KCNIP4: variants seen among roughly 807,000 people sequenced by gnomAD.
KCNIP4 encodes Kv channel-interacting protein 4.
KCNIP4 carries 12 observed loss-of-function variants against 34.0 expected under a neutral mutation model. That is an observed-to-expected ratio of 0.35 (90% CI 0.23 to 0.57). The LOEUF is 0.57. Ranked by LOEUF, KCNIP4 falls within the 20% of genes least tolerant of loss-of-function variation. The pLI is 0.83. For synonymous variants in KCNIP4, 124 were observed against 102.2 expected, an observed-to-expected ratio of 1.21 and a Z score of -1.29; for missense variants, 238 against 311.7, an observed-to-expected ratio of 0.76 and a Z score of 1.78.
intron 1 of KCNIP4, among the ~76,000 whole-genome samples, chr4:21,705,515 G>T (rs927281267): frequency 1.3e-5 from 2 of 152,002 alleles, no homozygotes; most frequent in African/African-American, 4.8e-5. Flanking sequence ...ACTGTTTTAG[G>T]TGCTGAATAT....
intron 1 of KCNIP4, among the ~76,000 whole-genome samples, chr4:20,986,918 T>C (rs766105739): frequency 9.3e-5 from 13 of 139,532 alleles, no homozygotes; most frequent in Non-Finnish European, 1.8e-4. Flanking sequence ...TTAGTTACAT[T>C]TACCACATGC....
In KCNIP4 at chr4:20,975,179, C is replaced by T. The variant is rs561427941; in HGVS notation, c.62-92470G>A. Among the ~76,000 whole-genome samples the T allele has an allele frequency of 1.1e-3, 165 of 152,262 alleles. 1 individual carries two copies. The highest frequency in any genetic ancestry group is 3.9e-3 in the African/African-American group (163 of 41,562). On this transcript the variant is annotated intron_variant, in intron 1 of 8. Transcript: ENST00000382152. ...TCAAAGACCATGATCTTATCCACTACTTATAGATCTTTTATTTTTAAGAGA... is the reference window on the plus strand; with the variant it reads ...TCAAAGACCATGATCTTATCCACTATTTATAGATCTTTTATTTTTAAGAGA...
intron 1 of KCNIP4, among the ~76,000 whole-genome samples, chr4:21,527,966 A>G (rs1317296202): frequency 6.6e-6 from 1 of 152,148 alleles, no homozygotes; most frequent in Non-Finnish European, 1.5e-5. Context: ...AAGCTGGAAC[A>G]TTGCCTAAAT....
rs181041799 is a variant in KCNIP4 at position 21,072,319 on chromosome 4, G to T, written c.62-189610C>A. Among the ~76,000 whole-genome samples the T allele has an allele frequency of 5.0e-3, 754 of 152,180 alleles. 6 individuals carry two copies. The highest frequency in any genetic ancestry group is 0.017 in the African/African-American group (718 of 41,542). On this transcript the variant is annotated intron_variant, in intron 1 of 8. Transcript: ENST00000382152. ...TCCAGCATCTGTTGTTTCCTGACAT[G>T]TTAATGATTGCCATTCTAACTGGTG...
At chr4:21,147,811 T>C (rs1323121265) in intron 1 of KCNIP4, among the ~76,000 whole-genome samples, 2 of 151,502 alleles carry the variant, frequency 1.3e-5, no homozygotes, top group South Asian at 4.2e-4. Flanking sequence ...TGGTGGCAGA[T>C]GCCTGTAATC....
At chr4:21,041,656 C>T (rs1741971149) in intron 1 of KCNIP4, among the ~76,000 whole-genome samples, 2 of 152,150 alleles carry the variant, frequency 1.3e-5, no homozygotes, top group South Asian at 4.1e-4. Flanking sequence ...GAAACTCATC[C>T]TAATGACATG....
intron 2 of KCNIP4, among the ~76,000 whole-genome samples, chr4:20,867,781 C>T (rs1485683386): frequency 1.3e-5 from 2 of 151,882 alleles, no homozygotes; most frequent in Non-Finnish European, 2.9e-5. Context: ...ATCGCAAGGA[C>T]AAAAAACCAA....
intron 1 of KCNIP4, among the ~76,000 whole-genome samples, chr4:21,727,951 G>A (rs1715316507): frequency 6.6e-6 from 1 of 152,134 alleles, no homozygotes; most frequent in Non-Finnish European, 1.5e-5. Context: ...AAACAGGCCA[G>A]GCATTTCTTG....
At chr4:20,860,355 C>T (rs1182327887) in intron 2 of KCNIP4, among the ~76,000 whole-genome samples, 1 of 152,134 alleles carries the variant, frequency 6.6e-6, no homozygotes, top group Non-Finnish European at 1.5e-5. Context: ...TTAGGCTGGT[C>T]TCAAACTCTT....
At chr4:21,945,687 T>G (rs956449436) in intron 1 of KCNIP4, among the ~76,000 whole-genome samples, 1 of 149,136 alleles carries the variant, frequency 6.7e-6, no homozygotes, top group Non-Finnish European at 1.5e-5. Context: ...AATTTTGTAG[T>G]TTTTTTTTTC....
At chr4:21,347,781 C>T (rs1224818267) in intron 1 of KCNIP4, among the ~76,000 whole-genome samples, 1 of 152,136 alleles carries the variant, frequency 6.6e-6, no homozygotes, top group African/African-American at 2.4e-5. Context: ...TCTTCTCACC[C>T]ATTTTCCTGC....
intron 1 of KCNIP4, among the ~76,000 whole-genome samples, chr4:21,128,475 C>T (rs1420240538): frequency 1.3e-5 from 2 of 152,252 alleles, no homozygotes; most frequent in East Asian, 3.9e-4. Flanking sequence ...ATATAGGAGA[C>T]TATAAGGATT....
chr4:21,549,509 C>G (rs983698255), intron 1 of KCNIP4, among the ~76,000 whole-genome samples: 2 of 151,920 alleles, frequency 1.3e-5, no homozygotes, highest in African/African-American at 4.8e-5. Context: ...GCCTGCTCCC[C>G]CTTTGCTTTA....
At chr4:21,584,551 T>C (rs1741472082) in intron 1 of KCNIP4, among the ~76,000 whole-genome samples, 1 of 152,048 alleles carries the variant, frequency 6.6e-6, no homozygotes, top group Non-Finnish European at 1.5e-5. Flanking sequence ...GCCAAATTAA[T>C]TTAAAATAGG....
intron 1 of KCNIP4, among the ~76,000 whole-genome samples, chr4:21,610,034 TCTC>T (rs1206615108): frequency 1.3e-5 from 2 of 152,234 alleles, no homozygotes; most frequent in African/African-American, 4.8e-5. Flanking sequence ...AGGAGATACT[TCTC>T]CTGCTACCTT....
intron 1 of KCNIP4, among the ~76,000 whole-genome samples, chr4:21,747,456 G>A (rs575601899): frequency 3.3e-5 from 5 of 152,202 alleles, no homozygotes; most frequent in African/African-American, 7.2e-5. Flanking sequence ...AGCAAGGTGT[G>A]GCAAGTTCTA....
At chr4:21,305,648 C>T (rs1324706538) in intron 1 of KCNIP4, among the ~76,000 whole-genome samples, 3 of 152,162 alleles carry the variant, frequency 2.0e-5, no homozygotes, top group Non-Finnish European at 2.9e-5. Flanking sequence ...CTCCGTGATC[C>T]GGTACCTCCT....
intron 3 of KCNIP4, among the ~76,000 whole-genome samples, chr4:20,818,614 G>T (rs1716715128): frequency 1.3e-5 from 2 of 152,186 alleles, no homozygotes; most frequent in Non-Finnish European, 2.9e-5. Flanking sequence ...AGAAGGATGT[G>T]TGTAGTGCTG....
intron 1 of KCNIP4, among the ~76,000 whole-genome samples, chr4:21,036,204 C>T (rs1237361065): frequency 6.6e-6 from 1 of 152,144 alleles, no homozygotes. Flanking sequence ...ATATGCTATG[C>T]CTTTATGAAT....
Sources: allele counts gnomAD v4.1 joint callset (sites outside exome capture counted in the v4.1 genomes callset), GRCh38; gene constraint gnomAD v4.1.1; transcripts MANE v1.5; gene names NCBI Gene and HGNC (gene_info 2026-07-23, HGNC 2026-07-21).